EML6: variants seen among roughly 807,000 people sequenced by gnomAD.
EML6 encodes echinoderm microtubule-associated protein-like 6.
Under a neutral mutation model 240.1 loss-of-function variants are expected in EML6, and 154 were observed. That is an observed-to-expected ratio of 0.64 (90% CI 0.56 to 0.73). The LOEUF is 0.73. Among genes scored for constraint, EML6 ranks in the 30% least tolerant of loss-of-function variants. The pLI, the probability that EML6 is intolerant of heterozygous loss-of-function variation, is 0.00. For synonymous variants in EML6, 1,148 were observed against 899.0 expected (o/e 1.28, Z -4.95); for missense variants, 2,964 against 2,474.6 (o/e 1.20, Z -4.20).
At chr2:54,795,434 G>T (rs116901102) in intron 2 of EML6, among the ~76,000 whole-genome samples, 5 of 152,168 alleles carry the variant, frequency 3.3e-5, no homozygotes, top group Admixed American at 2.6e-4. Context: ...CTCCTCTGGC[G>T]TATGGGGATT....
intron 2 of EML6, among the ~76,000 whole-genome samples, chr2:54,788,122 C>T (rs573941753): frequency 2.0e-5 from 3 of 152,322 alleles, no homozygotes; most frequent in East Asian, 1.9e-4. Context: ...GGAAAGCCTA[C>T]GGCAGAACAC....
At chr2:54,731,023 C>T (rs1683141493) in intron 2 of EML6, among the ~76,000 whole-genome samples, 1 of 152,044 alleles carries the variant, frequency 6.6e-6, no homozygotes, top group Admixed American at 6.6e-5. Flanking sequence ...GGTATGGAAG[C>T]CACCTTAGGC....
At chr2:54,810,460 A>G (rs890746445) in intron 2 of EML6, among the ~76,000 whole-genome samples, 1 of 152,224 alleles carries the variant, frequency 6.6e-6, no homozygotes, top group African/African-American at 2.4e-5. Context: ...AATTAGAACA[A>G]CTGCTCGGAG....
chr2:54,968,383 C>A, intron 40 of EML6, 102 bp downstream of exon 40: 1 of 1,127,936 alleles, frequency 8.9e-7, no homozygotes, highest in Non-Finnish European at 1.3e-6. Flanking sequence ...ACAGAGAAAC[C>A]CTGTCCCGGT....
chr2:54,852,572 C>G (rs1175400647), intron 10 of EML6, among the ~76,000 whole-genome samples: 1 of 152,184 alleles, frequency 6.6e-6, no homozygotes, highest in Non-Finnish European at 1.5e-5. Context: ...GTGGAATTTT[C>G]TCTCCTGAGT....
intron 2 of EML6, among the ~76,000 whole-genome samples, chr2:54,762,762 T>G (rs1668032581): frequency 6.6e-6 from 1 of 152,316 alleles, no homozygotes; most frequent in African/African-American, 2.4e-5. Context: ...TCATAGCTGT[T>G]CCAGGTCCAT....
At chr2:54,790,667 A>G (rs1384708332) in intron 2 of EML6, among the ~76,000 whole-genome samples, 1 of 151,448 alleles carries the variant, frequency 6.6e-6, no homozygotes, top group Non-Finnish European at 1.5e-5. Context: ...GATCATTCAC[A>G]TCCATATTAG....
In EML6 at chr2:54,759,709, C is replaced by G. The variant is rs193174004; in HGVS notation, c.197+34451C>G. 4.7e-3 allele frequency among the ~76,000 whole-genome samples: 716 copies of G among 152,062 alleles called. 6 individuals are homozygous for G. Among genetic ancestry groups the G allele is most frequent in the African/African-American group, 0.017 (685 of 41,482 alleles). On this transcript the variant is annotated intron_variant, in intron 2 of 41. Transcript: ENST00000356458. ...ATACCAACACATCTTCATCACCAAG[C>G]TAGCATGTGAATGCTCAGGAGAGAG...
At chr2:54,869,067 G>A (rs964150846) in intron 14 of EML6, 114 bp from the exon 15 acceptor site, 3 of 624,664 alleles carry the variant, frequency 4.8e-6, no homozygotes, top group Admixed American at 5.6e-5. Context: ...TGTGACACCT[G>A]GGGTTCCACT....
At chr2:54,829,157 T>G (rs990303942) in intron 6 of EML6, among the ~76,000 whole-genome samples, 185 bp from the exon 7 acceptor site, 16 of 152,224 alleles carry the variant, frequency 1.1e-4, no homozygotes, top group African/African-American at 3.6e-4. Context: ...TATGATTTTT[T>G]AAATGTAGCT....
chr2:54,828,325 G>A (rs1258744606), intron 6 of EML6, among the ~76,000 whole-genome samples: 1 of 152,182 alleles, frequency 6.6e-6, no homozygotes, highest in Non-Finnish European at 1.5e-5. Context: ...GTAAGAACAA[G>A]GAGAAACTTC....
chr2:54,870,532 T>C (rs1021506941), intron 15 of EML6, among the ~76,000 whole-genome samples: 1 of 152,186 alleles, frequency 6.6e-6, no homozygotes, highest in Non-Finnish European at 1.5e-5. Flanking sequence ...CAACTGAAAA[T>C]TAGAGACCTA....
chr2:54,968,219 A>G lies in EML6; in HGVS notation c.5689A>G (p.Ile1897Val), dbSNP rs781304979. ...CACVTHAGLN[I>V]VTGDDFGLVK... The stretch of plus-strand genomic sequence containing the variant: ...ATGTGTGACCCACGCTGGCCTGAAC[A>G]TTGTCACAGGAGATGACTTTGGGCT... Residue 1897 changes from isoleucine to valine, a missense_variant, in exon 40 of 42, where the codon ATT becomes GTT. Physicochemically the swap from Ile to Val is conservative, Grantham distance 29. Transcript: ENST00000356458. 1.9e-6 allele frequency: 3 copies of G among 1,551,616 alleles called. No individual in the cohort carries two copies. The highest frequency in any genetic ancestry group is 2.7e-5 in the African/African-American group (2 of 73,050).
chr2:54,889,026 C>T (rs1055966739), intron 17 of EML6, among the ~76,000 whole-genome samples: 5 of 152,214 alleles, frequency 3.3e-5, no homozygotes, highest in African/African-American at 9.7e-5. Flanking sequence ...CAGCATTTGG[C>T]ATCAAACACC....
intron 8 of EML6, 116 bp from the exon 9 acceptor site, chr2:54,847,370 G>C: frequency 9.1e-7 from 1 of 1,097,246 alleles, no homozygotes. Flanking sequence ...CTGGTGTGAA[G>C]TTCCTATGTC....
At chr2:54,856,400 C>T (rs1393437114) in intron 11 of EML6, among the ~76,000 whole-genome samples, 2 of 152,186 alleles carry the variant, frequency 1.3e-5, no homozygotes, top group Non-Finnish European at 2.9e-5. Flanking sequence ...CGTTCCATTC[C>T]TCCTTTGCAT....
At chr2:54,899,164 T>G (rs946885501) in intron 21 of EML6, among the ~76,000 whole-genome samples, 4 of 152,212 alleles carry the variant, frequency 2.6e-5, no homozygotes, top group African/African-American at 9.7e-5. Flanking sequence ...CATAAATAAT[T>G]AGAATATTGC....
At chr2:54,835,248 G>C (rs549205032) in intron 7 of EML6, among the ~76,000 whole-genome samples, 1 of 152,230 alleles carries the variant, frequency 6.6e-6, no homozygotes, top group African/African-American at 2.4e-5. Flanking sequence ...TATAATTTCT[G>C]TGTTATGTTC....
At chr2:54,956,972 G>A (rs181758772) in intron 32 of EML6, among the ~76,000 whole-genome samples, 27 of 151,926 alleles carry the variant, frequency 1.8e-4, no homozygotes, top group Admixed American at 1.8e-3. Flanking sequence ...AGTAGCTAAA[G>A]GAGTGATGAT....
Sources: gnomAD v4.1 joint callset for allele counts (sites outside exome capture counted in the v4.1 genomes callset) on GRCh38, gnomAD v4.1.1 for gene constraint, MANE v1.5 for transcripts, NCBI Gene and HGNC (gene_info 2026-07-23, HGNC 2026-07-21) for gene names.